Variants in ARHGAP15 observed in about 807,000 individuals in gnomAD.
The protein encoded by ARHGAP15 is Rho GTPase activating protein 15, also known as rho GTPase-activating protein 15.
ARHGAP15 carries 51 observed loss-of-function variants against 63.7 expected under a neutral mutation model. That is an observed-to-expected ratio of 0.80 (90% CI 0.64 to 1.01). The LOEUF is 1.01. Among genes scored for constraint, ARHGAP15 ranks in the 50% least tolerant of loss-of-function variants. ARHGAP15 has a pLI of 0.00. For synonymous variants in ARHGAP15, 191 were observed against 193.8 expected, an observed-to-expected ratio of 0.99 and a Z score of 0.12; for missense variants, 560 against 564.6, an observed-to-expected ratio of 0.99 and a Z score of 0.08.
At chr2:143,174,093 C>G (rs1411349575) in intron 2 of ARHGAP15, among the ~76,000 whole-genome samples, 1 of 152,042 alleles carries the variant, frequency 6.6e-6, no homozygotes, top group African/African-American at 2.4e-5. Flanking sequence ...CCCAAATATT[C>G]CCAGTGTAGT....
chr2:143,665,803 G>A (rs1403481588), intron 12 of ARHGAP15, among the ~76,000 whole-genome samples: 3 of 151,598 alleles, frequency 2.0e-5, no homozygotes, highest in Non-Finnish European at 2.9e-5. Flanking sequence ...AATCATGAGT[G>A]AACTCCCATT....
chr2:143,662,140 T>C (rs558368266), intron 12 of ARHGAP15, among the ~76,000 whole-genome samples: 2 of 152,282 alleles, frequency 1.3e-5, no homozygotes, highest in South Asian at 2.1e-4. Context: ...CAAAAAGCAG[T>C]AACCTCTGCA....
At chr2:143,586,831 C>G (rs905895747) in intron 11 of ARHGAP15, among the ~76,000 whole-genome samples, 1 of 151,918 alleles carries the variant, frequency 6.6e-6, no homozygotes, top group Non-Finnish European at 1.5e-5. Context: ...TTGAAAAAGG[C>G]CATTTACTCA....
intron 10 of ARHGAP15, among the ~76,000 whole-genome samples, chr2:143,529,594 G>T (rs1244633041): frequency 6.6e-6 from 1 of 152,044 alleles, no homozygotes; most frequent in African/African-American, 2.4e-5. Context: ...CTACTGTTCA[G>T]CTTCATATCC....
chr2:143,396,019 C>T (rs1469154536), intron 6 of ARHGAP15, among the ~76,000 whole-genome samples: 1 of 152,090 alleles, frequency 6.6e-6, no homozygotes, highest in Non-Finnish European at 1.5e-5. Context: ...CCAGGAAACA[C>T]AAGTACTTCC....
At chr2:143,517,681 G>A (rs2104978313) in intron 9 of ARHGAP15, among the ~76,000 whole-genome samples, 1 of 152,312 alleles carries the variant, frequency 6.6e-6, no homozygotes, top group South Asian at 2.1e-4. Flanking sequence ...GTCAAGTGGA[G>A]ATATGTGCTC....
chr2:143,489,913 T>G (rs1220374659), intron 9 of ARHGAP15, among the ~76,000 whole-genome samples: 1 of 152,214 alleles, frequency 6.6e-6, no homozygotes, highest in Non-Finnish European at 1.5e-5. Context: ...AAGCTGTGCT[T>G]GGCAGTTTGG....
At chr2:143,598,150 A>G (rs1025347891) in intron 11 of ARHGAP15, 1 of 152,200 alleles carries the variant, frequency 6.6e-6, no homozygotes, top group Non-Finnish European at 1.5e-5. Flanking sequence ...ACATATTTCA[A>G]GAATAAGCTA....
At position 143,666,585 on chromosome 2, in the gene ARHGAP15, A is replaced by C. The variant is rs549300823; in HGVS notation, c.1139-36834A>C. 2.3e-4 allele frequency among the ~76,000 whole-genome samples: 30 copies of C among 130,854 alleles called. 1 individual carries two copies. The East Asian group carries it at 3.0e-3, about 13-fold the overall frequency. The allele number at this position is 130,854 out of a possible 152,430, so 85.8% of individuals were successfully genotyped here. ...TTGACAAATGGGATCTAATTAAACT[A>C]AAGAGCTTCTGCACAGCAAAAGAAA... On this transcript the variant is annotated intron_variant, in intron 12 of 13. Transcript: ENST00000295095.
At chr2:143,537,369 G>T (rs1559035901) in intron 10 of ARHGAP15, among the ~76,000 whole-genome samples, 1 of 152,030 alleles carries the variant, frequency 6.6e-6, no homozygotes, top group Non-Finnish European at 1.5e-5. Context: ...CTGTGCGGAA[G>T]CTCTTTAGTT....
intron 9 of ARHGAP15, among the ~76,000 whole-genome samples, chr2:143,510,526 C>T (rs990157075): frequency 1.3e-5 from 2 of 152,146 alleles, no homozygotes; most frequent in Admixed American, 6.5e-5. Context: ...TTCATGGCTC[C>T]GCTAAGCATC....
chr2:143,434,479 T>G (rs1253644091), intron 6 of ARHGAP15, among the ~76,000 whole-genome samples: 1 of 151,964 alleles, frequency 6.6e-6, no homozygotes, highest in Non-Finnish European at 1.5e-5. Flanking sequence ...CCATTTGGGG[T>G]AGTAATTGTC....
intron 6 of ARHGAP15, among the ~76,000 whole-genome samples, chr2:143,296,748 TTGTTG>T (rs1371031763): frequency 6.6e-6 from 1 of 151,864 alleles, no homozygotes; most frequent in Non-Finnish European, 1.5e-5. Flanking sequence ...TCATGGGGGT[TTGTTG>T]TACTTACTAT....
chr2:143,397,728 A>G (rs986935453), intron 6 of ARHGAP15, among the ~76,000 whole-genome samples: 2 of 152,166 alleles, frequency 1.3e-5, no homozygotes, highest in African/African-American at 4.8e-5. Context: ...TATACCTGAT[A>G]AGGTGCTGGA....
At chr2:143,678,887 C>T (rs975814224) in intron 12 of ARHGAP15, among the ~76,000 whole-genome samples, 1 of 152,096 alleles carries the variant, frequency 6.6e-6, no homozygotes, top group African/African-American at 2.4e-5. Context: ...TTAGCTTTAT[C>T]CTAAGCAATA....
intron 8 of ARHGAP15, among the ~76,000 whole-genome samples, chr2:143,475,662 G>A (rs909275641): frequency 1.3e-5 from 2 of 152,330 alleles, no homozygotes; most frequent in African/African-American, 4.8e-5. Flanking sequence ...GAATGTGGGG[G>A]TAAGAAGGCC....
chr2:143,329,795 TCAG>T (rs1684425973), intron 6 of ARHGAP15, among the ~76,000 whole-genome samples: 1 of 151,868 alleles, frequency 6.6e-6, no homozygotes, highest in Non-Finnish European at 1.5e-5. Context: ...CCTCCGTAGT[TCAG>T]CAGTAGCATC....
At chr2:143,588,869 T>C (rs1343223778) in intron 11 of ARHGAP15, among the ~76,000 whole-genome samples, 2 of 152,196 alleles carry the variant, frequency 1.3e-5, no homozygotes, top group African/African-American at 2.4e-5. Flanking sequence ...TCTATACTCT[T>C]TAATAAATTT....
chr2:143,410,450 GAT>G (rs1274210893), intron 6 of ARHGAP15, among the ~76,000 whole-genome samples: 2 of 152,184 alleles, frequency 1.3e-5, no homozygotes, highest in African/African-American at 4.8e-5. Context: ...TCATATTTGA[GAT>G]AGAATACCTA....
Sources: gnomAD v4.1 joint callset for allele counts (sites outside exome capture counted in the v4.1 genomes callset) on GRCh38, gnomAD v4.1.1 for gene constraint, MANE v1.5 for transcripts, NCBI Gene and HGNC (gene_info 2026-07-23, HGNC 2026-07-21) for gene names.